Variants in TMPRSS15 observed in about 807,000 individuals in gnomAD.
TMPRSS15 encodes transmembrane serine protease 15.
A neutral mutation model predicts 125.3 loss-of-function variants in TMPRSS15; 128 were observed. The observed-to-expected ratio is 1.02, with a 90% CI of 0.89 to 1.18. TMPRSS15 has a LOEUF of 1.18. Among genes scored for constraint, TMPRSS15 ranks in the 50% most tolerant of loss-of-function variants. The pLI, the probability that TMPRSS15 is intolerant of heterozygous loss-of-function variation, is 0.00. For synonymous variants in TMPRSS15, 446 were observed against 423.2 expected (o/e 1.05, Z -0.66); for missense variants, 1,283 against 1,212.7 (o/e 1.06, Z -0.86).
intron 19 of TMPRSS15, among the ~76,000 whole-genome samples, chr21:18,295,766 A>C (rs186102833): frequency 6.6e-6 from 1 of 152,162 alleles, no homozygotes; most frequent in Admixed American, 6.5e-5. Flanking sequence ...ATGTATTTCT[A>C]ACACCCCAAG....
chr21:18,392,270 AC>A (rs991379761), intron 3 of TMPRSS15, among the ~76,000 whole-genome samples: 1 of 152,132 alleles, frequency 6.6e-6, no homozygotes, highest in African/African-American at 2.4e-5. Context: ...AATTTTCCAA[AC>A]TTTTATACTC....
At position 18,396,808 on chromosome 21, in the gene TMPRSS15, G is replaced by GTCTATCTATCTATCTATCTA. The variant is rs3082172; in HGVS notation, c.344+1051_344+1070dup. 3.2e-3 allele frequency among the ~76,000 whole-genome samples: 348 copies of GTCTATCTATCTATCTATCTA among 107,816 alleles called. 1 individual carries two copies. Among genetic ancestry groups the GTCTATCTATCTATCTATCTA allele is most frequent in the East Asian group, 0.014 (48 of 3,450 alleles). The allele number at this position is 107,816 out of a possible 152,430, so 70.7% of individuals were successfully genotyped here. A position where few individuals can be genotyped will look rare whatever the true frequency, so the allele number is the denominator to read the frequency against. ...AAAAAAAAAATCTGTCTGTCTGTCT[G>GTCTATCTATCTATCTATCTA]TCTATCTATCTATCTATCTATCTAT... On this transcript the variant is annotated intron_variant, in intron 3 of 24. Coordinates refer to ENST00000284885, the MANE Select transcript of TMPRSS15 (RefSeq NM_002772.3).
At chr21:18,359,326 G>C (rs2075656544) in intron 8 of TMPRSS15, among the ~76,000 whole-genome samples, 1 of 151,956 alleles carries the variant, frequency 6.6e-6, no homozygotes, top group African/African-American at 2.4e-5. Flanking sequence ...CACTTTATTA[G>C]TAATAGCCTG....
rs1183665917 is a variant in TMPRSS15 at position 18,344,036 on chromosome 21, C to T, written c.1196G>A (p.Gly399Glu). 6.2e-7 allele frequency: 1 copy of T among 1,613,644 alleles called. No individual in the cohort carries two copies. Among genetic ancestry groups the T allele is most frequent in the Non-Finnish European group, 8.5e-7 (1 of 1,180,002 alleles). The part of the protein sequence containing the change: ...ASGFYISTPT[G>E]PGGRQERVGL... ...CACTCGTTCTTGTCTCCCTCCTGGT[C>T]CAGTTGGGGTAGAAATGTAAAATCC... Residue 399 changes from glycine to glutamate, a missense_variant, in exon 11 of 25, where the codon GGA (glycine) becomes GAA (glutamate). Coordinates refer to ENST00000284885, the MANE Select transcript of TMPRSS15 (RefSeq NM_002772.3).
intron 18 of TMPRSS15, among the ~76,000 whole-genome samples, chr21:18,304,949 CGAAGTAG>C (rs1288875942): frequency 1.3e-5 from 2 of 151,888 alleles, no homozygotes; most frequent in Non-Finnish European, 2.9e-5. Flanking sequence ...AAGTGTAAGC[CGAAGTAG>C]GAGCGACAGA....
chr21:18,441,301 A>C (rs900469915), intron 1 of TMPRSS15, among the ~76,000 whole-genome samples: 6 of 151,378 alleles, frequency 4.0e-5, no homozygotes, highest in Non-Finnish European at 7.4e-5. Flanking sequence ...AAAACAAAAC[A>C]AAACAAAACC....
chr21:18,330,265 A>G lies in TMPRSS15; in HGVS notation c.1655-971T>C, dbSNP rs58601086. On this transcript the variant is annotated intron_variant, in intron 14 of 24. Transcript: ENST00000284885. ...CACCACAACAGGAGTTCAAATCACT[A>G]TAGTTTCTCATCTCCTAATTGGCGA... Among the ~76,000 whole-genome samples the G allele has an allele frequency of 7.9e-4, 120 of 152,226 alleles. 1 individual carries two copies. Among genetic ancestry groups the G allele is most frequent in the African/African-American group, 2.8e-3 (118 of 41,550 alleles).
intron 1 of TMPRSS15, among the ~76,000 whole-genome samples, chr21:18,400,928 A>G (rs1460529039): frequency 1.3e-5 from 2 of 152,192 alleles, no homozygotes; most frequent in Admixed American, 6.5e-5. Context: ...AAACATGAAC[A>G]AGCACTTGTC....
intron 18 of TMPRSS15, among the ~76,000 whole-genome samples, chr21:18,308,803 C>T (rs1440402975): frequency 1.3e-5 from 2 of 152,196 alleles, no homozygotes; most frequent in African/African-American, 2.4e-5. Flanking sequence ...CATGTGTTCT[C>T]ATTGTTCAAC....
chr21:18,389,081 C>T (rs1650852070), intron 3 of TMPRSS15, among the ~76,000 whole-genome samples: 1 of 95,498 alleles, frequency 1.0e-5, no homozygotes, highest in Non-Finnish European at 2.2e-5. Context: ...AAAATAAAGA[C>T]AAGAGAAAGA....
chr21:18,409,934 T>TCTTC (rs1555911258), intron 1 of TMPRSS15, among the ~76,000 whole-genome samples: 2 of 136,580 alleles, frequency 1.5e-5, no homozygotes, highest in Non-Finnish European at 3.2e-5. Context: ...TTCCTTCCTT[T>TCTTC]CTTCCTTCCT....
intron 1 of TMPRSS15, among the ~76,000 whole-genome samples, chr21:18,467,256 G>A (rs184789111): frequency 1.4e-3 from 219 of 152,162 alleles, no homozygotes; most frequent in Admixed American, 2.6e-3. Context: ...AGGGCCTGTC[G>A]ATGGGTAGGA....
chr21:18,275,404 A>G (rs535800699), intron 23 of TMPRSS15, 68 bp from the exon 24 acceptor site: 13 of 1,568,830 alleles, frequency 8.3e-6, no homozygotes, highest in Middle Eastern at 1.7e-4. Context: ...ATGAACTACC[A>G]TCAGTCCTAT....
chr21:18,381,697 A>G (rs1398174848), intron 4 of TMPRSS15, among the ~76,000 whole-genome samples: 1 of 152,192 alleles, frequency 6.6e-6, no homozygotes, highest in African/African-American at 2.4e-5. Context: ...CTTCCCCCAG[A>G]TGATCCAAAT....
At chr21:18,313,923 A>G (rs2075129967) in intron 17 of TMPRSS15, among the ~76,000 whole-genome samples, 1 of 150,420 alleles carries the variant, frequency 6.6e-6, no homozygotes, top group Non-Finnish European at 1.5e-5. Flanking sequence ...CTTTCTTTGT[A>G]CTTGCTTTTA....
rs548428451 is a variant in TMPRSS15 at position 18,279,570 on chromosome 21, G to A, written c.2669-511C>T. Among the ~76,000 whole-genome samples the A allele has an allele frequency of 6.6e-5, 10 of 150,954 alleles. No individual in the cohort carries two copies. In the South Asian group the frequency reaches 2.1e-3, roughly 32 times the overall value. On this transcript the variant is annotated intron_variant, in intron 22 of 24. Transcript: ENST00000284885. The stretch of plus-strand genomic sequence containing the variant: ...AGGATGGTCTCGATTTCCTGACCTC[G>A]TGATCTGCCCACCTCGGCCTCCCAA...
At chr21:18,288,769 C>T (rs1201983525) in intron 21 of TMPRSS15, among the ~76,000 whole-genome samples, 2 of 151,744 alleles carry the variant, frequency 1.3e-5, no homozygotes, top group Admixed American at 6.6e-5. Flanking sequence ...TCTCAAACTC[C>T]CGAGCTCAGG....
intron 1 of TMPRSS15, among the ~76,000 whole-genome samples, chr21:18,479,155 A>G (rs1978933560): frequency 6.6e-6 from 1 of 151,988 alleles, no homozygotes; most frequent in Non-Finnish European, 1.5e-5. Flanking sequence ...ATCTGTATAT[A>G]TCAGGTTTAA....
chr21:18,423,162 C>T (rs1032829326), intron 1 of TMPRSS15, among the ~76,000 whole-genome samples: 3 of 152,064 alleles, frequency 2.0e-5, no homozygotes, highest in Non-Finnish European at 4.4e-5. Flanking sequence ...ACTCTTGTGG[C>T]GTCTCCTCTG....
Sources: allele counts gnomAD v4.1 joint callset (sites outside exome capture counted in the v4.1 genomes callset), GRCh38; gene constraint gnomAD v4.1.1; transcripts MANE v1.5; gene names NCBI Gene and HGNC (gene_info 2026-07-23, HGNC 2026-07-21).